CLEC16A: variants seen among roughly 807,000 people sequenced by gnomAD.
CLEC16A encodes C-type lectin domain containing 16A, also known as protein CLEC16A.
CLEC16A carries 51 observed loss-of-function variants against 109.5 expected under a neutral mutation model. That is an observed-to-expected ratio of 0.47 (90% CI 0.37 to 0.59). The LOEUF (loss-of-function observed/expected upper bound fraction) is 0.59, where lower values mean the gene tolerates loss of function less well. CLEC16A is among the 20% of genes least tolerant of loss of function. CLEC16A has a pLI of 0.00. For synonymous variants in CLEC16A, 673 were observed against 564.2 expected (o/e 1.19, Z -2.73); for missense variants, 1,339 against 1,394.0 (o/e 0.96, Z 0.63).
chr16:11,162,624 T>C (rs1468094462), intron 22 of CLEC16A, among the ~76,000 whole-genome samples: 2 of 152,194 alleles, frequency 1.3e-5, no homozygotes, highest in Non-Finnish European at 2.9e-5. Context: ...AGCGGAAACA[T>C]ATGGGACATG....
intron 23 of CLEC16A, among the ~76,000 whole-genome samples, chr16:11,167,236 G>A (rs1306645057): frequency 6.6e-6 from 1 of 152,142 alleles, no homozygotes; most frequent in Non-Finnish European, 1.5e-5. Context: ...GCCCCAAATT[G>A]TAGCCAGAGG....
At chr16:10,956,771 C>G (rs1218290603) in intron 1 of CLEC16A, among the ~76,000 whole-genome samples, 1 of 152,174 alleles carries the variant, frequency 6.6e-6, no homozygotes, top group Non-Finnish European at 1.5e-5. Flanking sequence ...AGATGAAGTA[C>G]AGCACCATAG....
At chr16:11,050,421 G>A (rs936066557) in intron 17 of CLEC16A, among the ~76,000 whole-genome samples, 2 of 152,212 alleles carry the variant, frequency 1.3e-5, no homozygotes, top group Non-Finnish European at 2.9e-5. Context: ...AGCAGGAGGG[G>A]GAAAGTGGTA....
chr16:11,144,317 G>A (rs1440850882), intron 22 of CLEC16A, among the ~76,000 whole-genome samples: 1 of 152,204 alleles, frequency 6.6e-6, no homozygotes, highest in Non-Finnish European at 1.5e-5. Context: ...TGCCAGGGGT[G>A]ACGAGGCCTG....
chr16:11,119,479 A>G (rs959198626), intron 19 of CLEC16A, among the ~76,000 whole-genome samples: 3 of 151,848 alleles, frequency 2.0e-5, no homozygotes, highest in African/African-American at 7.3e-5. Flanking sequence ...GCCTTGAACC[A>G]CCCTGGGCTC....
chr16:11,059,520 C>G (rs570221345), intron 18 of CLEC16A, among the ~76,000 whole-genome samples: 31 of 152,314 alleles, frequency 2.0e-4, no homozygotes, highest in South Asian at 1.2e-3. Context: ...ACCAGCTCCT[C>G]ATTGCCTGGG....
chr16:11,058,717 A>G (rs1396834710), intron 18 of CLEC16A, among the ~76,000 whole-genome samples: 1 of 152,234 alleles, frequency 6.6e-6, no homozygotes, highest in Non-Finnish European at 1.5e-5. Flanking sequence ...GAACTTTTAA[A>G]GTATTTATTG....
At chr16:11,127,205 A>AT (rs1413311988) in intron 22 of CLEC16A, among the ~76,000 whole-genome samples, 2 of 152,214 alleles carry the variant, frequency 1.3e-5, no homozygotes, top group East Asian at 3.8e-4. Flanking sequence ...GGTATACCGT[A>AT]TGTCTGATGC....
chr16:11,075,285 T>C (rs1346199646), intron 19 of CLEC16A, among the ~76,000 whole-genome samples: 2 of 151,922 alleles, frequency 1.3e-5, no homozygotes, highest in Non-Finnish European at 2.9e-5. Context: ...TGTGGACAGC[T>C]TCTGGGTGCA....
rs200206480 is a variant in CLEC16A at position 11,123,789 on chromosome 16, C to T, written c.2316C>T (p.Ile772=). The change falls in exon 21 of 24, where the codon ATC becomes ATT. Residue 772 remains isoleucine (I), a synonymous_variant. Coordinates refer to ENST00000409790, the MANE Select transcript of CLEC16A (RefSeq NM_015226.3). ...GVEDDSRALN[I]TIHKPASSPH... is the part of the protein sequence containing the mutation. ...AGGACGACAGCCGTGCCCTGAACAT[C>T]ACCATCCACAAGCCTGCGTCCAGCC... The T allele has an allele frequency of 3.1e-6, 5 of 1,613,972 alleles. No individual in the cohort carries two copies. In the African/African-American group the frequency reaches 6.7e-5, roughly 22 times the overall value.
intron 7 of CLEC16A, among the ~76,000 whole-genome samples, chr16:10,976,084 G>A (rs552988569): frequency 5.9e-5 from 9 of 152,270 alleles, no homozygotes; most frequent in African/African-American, 1.9e-4. Context: ...GGGCAACATG[G>A]TGAGACCCCT....
intron 13 of CLEC16A, among the ~76,000 whole-genome samples, chr16:11,037,183 G>A (rs887628868): frequency 6.6e-6 from 1 of 152,196 alleles, no homozygotes; most frequent in African/African-American, 2.4e-5. Context: ...GGTGAGCCCA[G>A]GGACACAGAG....
rs932701481 is a variant in CLEC16A, at chr16:10,982,795, C to T, written c.958-83C>T. The stretch of plus-strand genomic sequence containing the variant: ...TTAATACAGGACTTAGGTAGCCCAG[C>T]CTGGTCGCTTCTGATCCAGGAAGCA... On this transcript the variant is annotated intron_variant, in intron 9 of 23. Transcript: ENST00000409790. 5.2e-6 allele frequency: 4 copies of T among 764,312 alleles called. No homozygotes were observed. In the African/African-American group the frequency reaches 6.9e-5, roughly 13 times the overall value. The allele number at this position is 764,312 out of a possible 1,614,324, so 47.3% of individuals were successfully genotyped here. A position where few individuals can be genotyped will look rare whatever the true frequency, so the allele number is the denominator to read the frequency against.
intron 23 of CLEC16A, among the ~76,000 whole-genome samples, chr16:11,175,331 C>T (rs748177480): frequency 1.2e-4 from 19 of 152,178 alleles, no homozygotes; most frequent in Admixed American, 2.0e-4. Context: ...ATTACCCCCT[C>T]GGCTCTGTCT....
At chr16:11,107,834 C>T (rs1597403611) in intron 19 of CLEC16A, among the ~76,000 whole-genome samples, 1 of 152,356 alleles carries the variant, frequency 6.6e-6, no homozygotes, top group Admixed American at 6.5e-5. Context: ...TCAGTGGATT[C>T]TGACAGGGTG....
intron 9 of CLEC16A, among the ~76,000 whole-genome samples, chr16:10,982,427 C>A (rs757167554): frequency 6.6e-5 from 10 of 152,232 alleles, no homozygotes; most frequent in Non-Finnish European, 1.3e-4. Flanking sequence ...AACCCTCTGC[C>A]AAGTCCTTGA....
intron 13 of CLEC16A, among the ~76,000 whole-genome samples, chr16:11,030,254 G>A (rs2046661431): frequency 6.6e-6 from 1 of 152,144 alleles, no homozygotes; most frequent in Admixed American, 6.6e-5. Context: ...TTTTCTCTTG[G>A]ATAAATACCT....
chr16:11,123,677 A>G (rs1457855922), intron 20 of CLEC16A, 65 bp from the exon 21 acceptor site: 1 of 1,512,216 alleles, frequency 6.6e-7, no homozygotes, highest in African/African-American at 1.4e-5. Context: ...TCATGATGCC[A>G]CAGCTCCTAG....
At chr16:11,084,228 C>T (rs113077967) in intron 19 of CLEC16A, among the ~76,000 whole-genome samples, 1 of 152,122 alleles carries the variant, frequency 6.6e-6, no homozygotes, top group Non-Finnish European at 1.5e-5. Flanking sequence ...TCCCTGACAC[C>T]TTCAACTCTG....
Sources: gnomAD v4.1 joint callset for allele counts (sites outside exome capture counted in the v4.1 genomes callset) on GRCh38, gnomAD v4.1.1 for gene constraint, MANE v1.5 for transcripts, NCBI Gene and HGNC (gene_info 2026-07-23, HGNC 2026-07-21) for gene names.